Variants in MYO1B observed in about 807,000 individuals in gnomAD.
MYO1B encodes the protein unconventional myosin-Ib.
In MYO1B, 72 loss-of-function variants were observed where a neutral mutation model predicts 159.7. The observed-to-expected ratio is 0.45, with a 90% CI of 0.37 to 0.55. MYO1B has a LOEUF of 0.55. Ranked by LOEUF, MYO1B falls within the 20% of genes least tolerant of loss-of-function variation. MYO1B has a pLI of 0.00. For synonymous variants in MYO1B, 468 were observed against 473.8 expected (o/e 0.99, Z 0.16); for missense variants, 1,062 against 1,364.8 (o/e 0.78, Z 3.50).
intron 3 of MYO1B, among the ~76,000 whole-genome samples, chr2:191,322,659 C>T (rs1213647128): frequency 3.9e-5 from 6 of 152,068 alleles, no homozygotes. Context: ...GAAAACTACC[C>T]CTTGTGTTTT....
chr2:191,360,523 A>G (rs1693594149), intron 7 of MYO1B, 108 bp from the exon 8 acceptor site: 1 of 662,904 alleles, frequency 1.5e-6, no homozygotes, highest in Non-Finnish European at 2.6e-6. Context: ...TTATTATTTC[A>G]TTTTATTACT....
chr2:191,279,279 A>G lies in MYO1B; in HGVS notation c.135+2249A>G, dbSNP rs913529257. 1.4e-4 allele frequency among the ~76,000 whole-genome samples: 22 copies of G among 152,186 alleles called. 1 individual carries two copies. The highest frequency in any genetic ancestry group is 1.3e-3 in the Admixed American group (20 of 15,288). Reference sequence around the variant, plus strand: ...CATGTTGGAGGGCTGGGCATTCTCTATTATAAGTGAAACAAGAGATTGTAA... The same window carrying G: ...CATGTTGGAGGGCTGGGCATTCTCTGTTATAAGTGAAACAAGAGATTGTAA... On this transcript the variant is annotated intron_variant, in intron 2 of 30. Transcript: ENST00000392318.
chr2:191,364,218 GT>G lies in MYO1B; in HGVS notation c.977del (p.Phe326SerfsTer15). 1 of 1,613,960 alleles carries G rather than the reference GT, an allele frequency of 6.2e-7. No individual in the cohort carries two copies. Among genetic ancestry groups the G allele is most frequent in the Non-Finnish European group, 8.5e-7 (1 of 1,179,862 alleles). On this transcript the variant is annotated frameshift_variant, in exon 11 of 31. Coordinates refer to ENST00000392318, the MANE Select transcript of MYO1B (RefSeq NM_001130158.3). LOFTEE classifies it high-confidence loss of function. ...IDQSVLERAF[S>X]FRTVEAKQEK... ...CAATCAGTTCTAGAACGAGCATTCA[GT>G]TTCCGAACAGTTGAGGCCAAACAGG...
intron 2 of MYO1B, among the ~76,000 whole-genome samples, chr2:191,279,613 A>T (rs1687935923): frequency 6.6e-6 from 1 of 152,146 alleles, no homozygotes; most frequent in Non-Finnish European, 1.5e-5. Context: ...TCTGGCTCTT[A>T]TCCTGATAAT....
chr2:191,396,349 A>G, intron 20 of MYO1B, 80 bp from the exon 21 acceptor site: 1 of 1,464,270 alleles, frequency 6.8e-7, no homozygotes, highest in Non-Finnish European at 9.6e-7. Flanking sequence ...AGACGAAGTG[A>G]GCAAATACCC....
At chr2:191,292,070 A>G (rs1688719647) in intron 2 of MYO1B, among the ~76,000 whole-genome samples, 1 of 152,222 alleles carries the variant, frequency 6.6e-6, no homozygotes, top group African/African-American at 2.4e-5. Flanking sequence ...CAGAAAGGGC[A>G]GGTATAGGAT....
intron 2 of MYO1B, among the ~76,000 whole-genome samples, chr2:191,293,796 A>G (rs1192382981): frequency 6.6e-6 from 1 of 152,178 alleles, no homozygotes; most frequent in East Asian, 1.9e-4. Context: ...ATGCATAATC[A>G]TCTGGGAATG....
chr2:191,396,114 CA>C (rs1208521211), intron 20 of MYO1B, among the ~76,000 whole-genome samples: 3 of 152,036 alleles, frequency 2.0e-5, no homozygotes, highest in African/African-American at 7.3e-5. Context: ...GGTTTTCATT[CA>C]ATATGCATTT....
rs762175060 is a variant in MYO1B, at chr2:191,313,192, C to CTT, written c.252-16709_252-16708dup. Among the ~76,000 whole-genome samples, 260 of 43,004 alleles carry CTT rather than the reference C, an allele frequency of 6.0e-3. 74 individuals carry two copies. Among genetic ancestry groups the CTT allele is most frequent in the Non-Finnish European group, 7.4e-3 (197 of 26,754 alleles). The allele number at this position is 43,004 out of a possible 152,430, so 28.2% of individuals were successfully genotyped here. ...TAGTTATAATATCTGGCACACATGG[C>CTT]TTTTTTTTTTTTTTTTTTTTTTTTT... On this transcript the variant is annotated intron_variant, in intron 3 of 30. Transcript: ENST00000392318.
chr2:191,335,143 G>A (rs772483422), intron 4 of MYO1B, among the ~76,000 whole-genome samples: 2 of 152,060 alleles, frequency 1.3e-5, no homozygotes, highest in Non-Finnish European at 2.9e-5. Flanking sequence ...GCCTGGAGCC[G>A]GGAGGTGGAT....
chr2:191,358,525 C>T (rs1693447834), intron 7 of MYO1B, among the ~76,000 whole-genome samples: 3 of 152,140 alleles, frequency 2.0e-5, no homozygotes, highest in African/African-American at 4.8e-5. Context: ...ACAGTCATTG[C>T]CATTTCTACA....
chr2:191,321,862 AT>A (rs1235261285), intron 3 of MYO1B, among the ~76,000 whole-genome samples: 3 of 152,130 alleles, frequency 2.0e-5, no homozygotes, highest in African/African-American at 7.2e-5. Context: ...TAGATGACAG[AT>A]TCTCTTAATC....
intron 3 of MYO1B, among the ~76,000 whole-genome samples, chr2:191,304,551 C>G (rs1689529556): frequency 6.6e-6 from 1 of 150,448 alleles, no homozygotes; most frequent in African/African-American, 2.4e-5. Flanking sequence ...GCCTGGGCAA[C>G]AAGAGCAAAA....
chr2:191,298,299 G>A (rs998734070), intron 3 of MYO1B, among the ~76,000 whole-genome samples: 1 of 152,134 alleles, frequency 6.6e-6, no homozygotes, highest in Non-Finnish European at 1.5e-5. Context: ...AAGTGTTCTT[G>A]TTTCATTTTG....
At chr2:191,285,892 G>A (rs1479050238) in intron 2 of MYO1B, among the ~76,000 whole-genome samples, 1 of 152,136 alleles carries the variant, frequency 6.6e-6, no homozygotes, top group Non-Finnish European at 1.5e-5. Flanking sequence ...GCCTGGGATA[G>A]TTGTCAGGGG....
At chr2:191,282,915 T>C (rs186226552) in intron 2 of MYO1B, among the ~76,000 whole-genome samples, 14 of 152,368 alleles carry the variant, frequency 9.2e-5, no homozygotes, top group Admixed American at 9.1e-4. Flanking sequence ...CTCTGATCGC[T>C]GCAAAGGTAG....
intron 7 of MYO1B, among the ~76,000 whole-genome samples, chr2:191,357,386 C>T (rs972873721): frequency 1.3e-5 from 2 of 152,032 alleles, no homozygotes; most frequent in African/African-American, 4.8e-5. Context: ...CGCAGTGGGG[C>T]GGGGGGCAAG....
intron 6 of MYO1B, among the ~76,000 whole-genome samples, chr2:191,349,218 C>G (rs1003554973): frequency 7.9e-5 from 12 of 152,226 alleles, no homozygotes; most frequent in African/African-American, 2.6e-4. Flanking sequence ...GGGACATATC[C>G]TTATGAATAA....
intron 7 of MYO1B, among the ~76,000 whole-genome samples, chr2:191,354,962 C>G (rs1693176302): frequency 6.6e-6 from 1 of 152,172 alleles, no homozygotes; most frequent in African/African-American, 2.4e-5. Context: ...GTGTCGACAG[C>G]CTTGATTAAT....
Sources: gnomAD v4.1 joint callset for allele counts (sites outside exome capture counted in the v4.1 genomes callset) on GRCh38, gnomAD v4.1.1 for gene constraint, MANE v1.5 for transcripts, NCBI Gene and HGNC (gene_info 2026-07-23, HGNC 2026-07-21) for gene names.